Variants in CFAP44 observed in about 807,000 individuals in gnomAD.
CFAP44 encodes cilia and flagella associated protein 44.
Under a neutral mutation model 216.2 loss-of-function variants are expected in CFAP44, and 134 were observed. The observed-to-expected ratio is 0.62, with a 90% CI of 0.54 to 0.72. The LOEUF (loss-of-function observed/expected upper bound fraction) is 0.72. Among genes scored for constraint, CFAP44 ranks in the 30% least tolerant of loss-of-function variants. CFAP44 has a pLI of 0.00. For missense variants in CFAP44, 2,035 were observed against 2,182.1 expected (o/e 0.93, Z 1.34); for synonymous variants, 700 against 727.6 (o/e 0.96, Z 0.61).
chr3:113,429,170 T>C (rs898460168), intron 2 of CFAP44: 7 of 152,286 alleles, frequency 4.6e-5, no homozygotes, highest in African/African-American at 7.2e-5. Flanking sequence ...CAAATATTAA[T>C]GGTAGGCATG....
At chr3:113,393,106 G>T (rs139115343) in intron 15 of CFAP44, among the ~76,000 whole-genome samples, 14 of 152,178 alleles carry the variant, frequency 9.2e-5, no homozygotes, top group Admixed American at 9.2e-4. Context: ...AGCTTAATAC[G>T]TTATGCTCAG....
In CFAP44 at chr3:113,363,140, C is replaced by A; in HGVS notation, c.2934+5G>T. The A allele has an allele frequency of 6.3e-7, 1 of 1,580,326 alleles. No homozygotes were observed. Among genetic ancestry groups the A allele is most frequent in the Non-Finnish European group, 8.6e-7 (1 of 1,166,742 alleles). ...AAATAAAAATCAAGTTTATATTAGG[C>A]TTACTGTTCGTTTAAACTGCATATG... On this transcript the variant is annotated splice_donor_5th_base_variant and intron_variant, in intron 21 of 34. Coordinates refer to ENST00000393845, the MANE Select transcript of CFAP44 (RefSeq NM_001164496.2).
intron 28 of CFAP44, among the ~76,000 whole-genome samples, chr3:113,324,042 C>CAAA (rs200919084): frequency 1.8e-4 from 13 of 71,854 alleles, no homozygotes; most frequent in East Asian, 1.3e-3. Context: ...GACTCCGTCT[C>CAAA]AAAAAAAAAA....
intron 24 of CFAP44, among the ~76,000 whole-genome samples, chr3:113,338,255 C>CAAAAAAAAAAAAAAAAAAAAAAAA (rs10574877): frequency 9.3e-5 from 4 of 43,040 alleles, no homozygotes; most frequent in Admixed American, 4.0e-4. Flanking sequence ...GACAATGTCT[C>CAAAAAAAAAAAAAAAAAAAAAAAA]AAAAAAAAAA....
At chr3:113,441,174 G>A (rs933331884) in intron 1 of CFAP44, among the ~76,000 whole-genome samples, 2 of 152,206 alleles carry the variant, frequency 1.3e-5, no homozygotes, top group African/African-American at 4.8e-5. Flanking sequence ...ACTCGCTGCT[G>A]CTCTGACTTG....
At chr3:113,347,827 T>A (rs1576560988) in intron 22 of CFAP44, among the ~76,000 whole-genome samples, 1 of 152,278 alleles carries the variant, frequency 6.6e-6, no homozygotes, top group African/African-American at 2.4e-5. Context: ...ATAACATCTT[T>A]ATAGGACAGG....
At chr3:113,367,228 T>C (rs568399416) in intron 18 of CFAP44, among the ~76,000 whole-genome samples, 17 of 152,292 alleles carry the variant, frequency 1.1e-4, no homozygotes, top group Admixed American at 8.5e-4. Context: ...AGCACAGCGT[T>C]CAAGCTCTGA....
At chr3:113,339,578 A>G (rs1950311793) in intron 24 of CFAP44, among the ~76,000 whole-genome samples, 1 of 152,154 alleles carries the variant, frequency 6.6e-6, no homozygotes, top group African/African-American at 2.4e-5. Flanking sequence ...GTCTCCTTCC[A>G]TGGGGTGAGA....
intron 15 of CFAP44, among the ~76,000 whole-genome samples, chr3:113,384,057 C>CTT (rs199814107): frequency 2.8e-5 from 4 of 144,310 alleles, no homozygotes; most frequent in Non-Finnish European, 4.6e-5. Context: ...AAATAGTTGA[C>CTT]TTTTTTTTTT....
intron 31 of CFAP44, chr3:113,304,385 T>G (rs752177867): frequency 2.5e-6 from 1 of 400,404 alleles, no homozygotes; most frequent in Non-Finnish European, 4.5e-6. Context: ...GACAAACATT[T>G]CAGGGCTGGC....
At chr3:113,332,414 C>T (rs1366813914) in intron 25 of CFAP44, among the ~76,000 whole-genome samples, 2 of 152,248 alleles carry the variant, frequency 1.3e-5, no homozygotes, top group Middle Eastern at 3.4e-3. Flanking sequence ...GAAAAAGACA[C>T]CCCTTCCTCA....
intron 3 of CFAP44, 35 bp from the exon 4 acceptor site, chr3:113,426,312 G>A: frequency 6.2e-7 from 1 of 1,603,060 alleles, no homozygotes; most frequent in Non-Finnish European, 8.5e-7. Context: ...AGAGTGATAT[G>A]GTTTGGCTGT....
intron 26 of CFAP44, among the ~76,000 whole-genome samples, chr3:113,329,033 T>C (rs1950218176): frequency 6.6e-6 from 1 of 152,240 alleles, no homozygotes; most frequent in Non-Finnish European, 1.5e-5. Flanking sequence ...TTAGTTACAA[T>C]TAAATCAATC....
At chr3:113,397,638 G>C (rs1028587976) in intron 13 of CFAP44, among the ~76,000 whole-genome samples, 1 of 152,148 alleles carries the variant, frequency 6.6e-6, no homozygotes, top group African/African-American at 2.4e-5. Flanking sequence ...ATTGGTCTGA[G>C]GTAATGTAGT....
intron 29 of CFAP44, among the ~76,000 whole-genome samples, chr3:113,306,698 A>C (rs2107794005): frequency 6.6e-6 from 1 of 152,312 alleles, no homozygotes; most frequent in South Asian, 2.1e-4. Flanking sequence ...AATGGGATTC[A>C]AGTGCATTAT....
At position 113,341,785 on chromosome 3, in the gene CFAP44, T is replaced by C; in HGVS notation, c.3396A>G (p.Ala1132=). 2 of 1,525,428 alleles carry C rather than the reference T, an allele frequency of 1.3e-6. No individual in the cohort carries two copies. Among genetic ancestry groups the C allele is most frequent in the East Asian group, 2.5e-5 (1 of 40,656 alleles). The allele number at this position is 1,525,428 out of a possible 1,614,324, so 94.5% of individuals were successfully genotyped here. A position where few individuals can be genotyped will look rare whatever the true frequency, so the allele number is the denominator to read the frequency against. The change falls in exon 24 of 35, where the codon GCA becomes GCG. Residue 1132 remains alanine (A), a synonymous_variant. Transcript: ENST00000393845. ...TRKLILKAER[A]QLKIQQRKKE... The stretch of plus-strand genomic sequence containing the variant: ...TTTTTCGCTGTTGAATCTTTAGTTG[T>C]GCCCTTTCAGCTTTTAATATAAGTT...
intron 18 of CFAP44, among the ~76,000 whole-genome samples, chr3:113,371,964 G>A (rs1016047224): frequency 1.8e-4 from 28 of 152,126 alleles, no homozygotes; most frequent in African/African-American, 6.8e-4. Context: ...GCAGCCAACA[G>A]ACACAATGAA....
chr3:113,360,638 T>A (rs1240888477), intron 21 of CFAP44: 1 of 154,596 alleles, frequency 6.5e-6, no homozygotes, highest in Non-Finnish European at 1.4e-5. Context: ...AGAAGATGTT[T>A]CTCTTGCTGG....
intron 24 of CFAP44, among the ~76,000 whole-genome samples, chr3:113,336,216 A>G (rs1950280813): frequency 6.6e-6 from 1 of 152,122 alleles, no homozygotes; most frequent in South Asian, 2.1e-4. Context: ...AATTATAAAA[A>G]TAATAGTAAA....
Sources: allele counts gnomAD v4.1 joint callset (sites outside exome capture counted in the v4.1 genomes callset), GRCh38; gene constraint gnomAD v4.1.1; transcripts MANE v1.5; gene names NCBI Gene and HGNC (gene_info 2026-07-23, HGNC 2026-07-21).